USP32: variants seen among roughly 807,000 people sequenced by gnomAD.
The protein encoded by USP32 is ubiquitin specific peptidase 32, also known as ubiquitin carboxyl-terminal hydrolase 32.
Under a neutral mutation model 204.8 loss-of-function variants are expected in USP32, and 59 were observed. That is an observed-to-expected ratio of 0.29 (90% CI 0.23 to 0.36). USP32 has a LOEUF of 0.36. Among genes scored for constraint, USP32 ranks in the 10% least tolerant of loss-of-function variants. The pLI is 1.00. For missense variants in USP32, 1,160 were observed against 1,946.4 expected (o/e 0.60, Z 7.60); for synonymous variants, 517 against 678.4 (o/e 0.76, Z 3.70).
At chr17:60,229,641 A>G (rs888736521) in intron 12 of USP32, among the ~76,000 whole-genome samples, 1 of 152,212 alleles carries the variant, frequency 6.6e-6, no homozygotes, top group Non-Finnish European at 1.5e-5. Flanking sequence ...GAGAAAAATT[A>G]AAGTCTTCCA....
chr17:60,354,476 AT>A (rs2089023189), intron 1 of USP32, among the ~76,000 whole-genome samples: 1 of 152,246 alleles, frequency 6.6e-6, no homozygotes, highest in Admixed American at 6.5e-5. Context: ...TGGGCTAAGA[AT>A]TTACAAACCT....
At chr17:60,281,318 C>T (rs1044563860) in intron 5 of USP32, among the ~76,000 whole-genome samples, 1 of 152,126 alleles carries the variant, frequency 6.6e-6, no homozygotes, top group African/African-American at 2.4e-5. Flanking sequence ...GCGGATGGAT[C>T]ATGAGGTCAG....
intron 11 of USP32, among the ~76,000 whole-genome samples, chr17:60,251,697 A>T (rs1248193227): frequency 6.6e-6 from 1 of 152,178 alleles, no homozygotes; most frequent in Non-Finnish European, 1.5e-5. Flanking sequence ...TTGTTTTTTA[A>T]ATATAATCCG....
intron 6 of USP32, among the ~76,000 whole-genome samples, chr17:60,270,571 C>G (rs1460312482): frequency 6.6e-6 from 1 of 152,120 alleles, no homozygotes; most frequent in South Asian, 2.1e-4. Flanking sequence ...CGCCTGTAAT[C>G]CCAGCACTTT....
chr17:60,196,049 A>G (rs1449898214), intron 27 of USP32, among the ~76,000 whole-genome samples: 1 of 152,042 alleles, frequency 6.6e-6, no homozygotes, highest in Non-Finnish European at 1.5e-5. Context: ...AGGTGGGATC[A>G]TGAGGTTAGG....
chr17:60,318,818 A>G (rs73320707), intron 2 of USP32, among the ~76,000 whole-genome samples: 6,964 of 152,294 alleles, frequency 0.046, 573 homozygotes, highest in African/African-American at 0.16. Flanking sequence ...AAAAACGGTA[A>G]CCTTGTAAGA....
At chr17:60,401,180 G>A (rs974825752) in intron 1 of USP32, among the ~76,000 whole-genome samples, 1 of 150,936 alleles carries the variant, frequency 6.6e-6, no homozygotes, top group Non-Finnish European at 1.5e-5. Flanking sequence ...AAAAGACCGG[G>A]CGCAATGGCT....
At chr17:60,229,167 T>C (rs1288881006) in intron 12 of USP32, among the ~76,000 whole-genome samples, 1 of 152,068 alleles carries the variant, frequency 6.6e-6, no homozygotes, top group African/African-American at 2.4e-5. Context: ...TCCTTCCACC[T>C]CAGCTAGGAC....
chr17:60,350,762 C>T (rs2146024819), intron 1 of USP32, among the ~76,000 whole-genome samples: 1 of 152,188 alleles, frequency 6.6e-6, no homozygotes, highest in Middle Eastern at 3.4e-3. Flanking sequence ...CTCACAAGGA[C>T]AGAGGGATAA....
rs187759683 is a variant in USP32, at chr17:60,356,253, G to A, written c.59-10645C>T. ...AAGCAGTGGCAGATGGGGCTAACAAGAGGTTAACCAAAAAACATGAAAGGA... is the reference window on the plus strand; with the variant it reads ...AAGCAGTGGCAGATGGGGCTAACAAAAGGTTAACCAAAAAACATGAAAGGA... On this transcript the variant is annotated intron_variant, in intron 1 of 33. Coordinates refer to ENST00000300896, the MANE Select transcript of USP32 (RefSeq NM_032582.4). Among the ~76,000 whole-genome samples the A allele has an allele frequency of 6.6e-5, 10 of 152,246 alleles. No homozygotes were observed. The East Asian group carries it at 1.9e-3, about 29-fold the overall frequency.
At chr17:60,257,863 T>A (rs2086353344) in intron 9 of USP32, among the ~76,000 whole-genome samples, 1 of 152,074 alleles carries the variant, frequency 6.6e-6, no homozygotes, top group Admixed American at 6.5e-5. Flanking sequence ...AGTTTCTTAC[T>A]CTTTGGGGAA....
chr17:60,208,603 A>G, intron 23 of USP32, 51 bp downstream of exon 23: 2 of 1,456,418 alleles, frequency 1.4e-6, no homozygotes, highest in Non-Finnish European at 9.1e-7. Context: ...GGCTATTTAA[A>G]TAAAGTAAAT....
At chr17:60,180,773 C>T in intron 32 of USP32, 136 bp from the exon 33 acceptor site, 12 of 910,362 alleles carry the variant, frequency 1.3e-5, no homozygotes, top group Non-Finnish European at 1.8e-5. Context: ...AACCCTCTAA[C>T]TTTTTCTAAA....
chr17:60,237,098 A>T (rs1034317666), intron 11 of USP32, among the ~76,000 whole-genome samples: 8 of 147,306 alleles, frequency 5.4e-5, no homozygotes, highest in African/African-American at 1.3e-4. Context: ...TGGGATTATA[A>T]AAAAAAAAAT....
chr17:60,279,836 C>T (rs2086924969), intron 5 of USP32, among the ~76,000 whole-genome samples: 1 of 149,358 alleles, frequency 6.7e-6, no homozygotes, highest in South Asian at 2.1e-4. Flanking sequence ...GAGCCTGTCT[C>T]AAATAATAAT....
intron 27 of USP32, among the ~76,000 whole-genome samples, chr17:60,196,765 C>T (rs113788539): frequency 1.0e-3 from 153 of 151,888 alleles, no homozygotes; most frequent in African/African-American, 3.1e-3. Flanking sequence ...GTGGAGGTTG[C>T]GTTGAGCCGA....
chr17:60,191,371 C>G (rs552378869), intron 28 of USP32, among the ~76,000 whole-genome samples: 3 of 125,464 alleles, frequency 2.4e-5, no homozygotes, highest in Admixed American at 2.0e-4. Context: ...CACTGCACTG[C>G]AGCCTGGGTG....
chr17:60,224,385 A>G (rs2085331035), intron 13 of USP32, among the ~76,000 whole-genome samples: 1 of 152,242 alleles, frequency 6.6e-6, no homozygotes, highest in African/African-American at 2.4e-5. Context: ...TAATACCAGA[A>G]AGGGAGGGAA....
chr17:60,389,798 C>A (rs1172557538), intron 1 of USP32, among the ~76,000 whole-genome samples: 3 of 151,496 alleles, frequency 2.0e-5, no homozygotes, highest in Admixed American at 6.6e-5. Flanking sequence ...GGGCAGATCA[C>A]AAGGTCAGGA....
Sources: gnomAD v4.1 joint callset for allele counts (sites outside exome capture counted in the v4.1 genomes callset) on GRCh38, gnomAD v4.1.1 for gene constraint, MANE v1.5 for transcripts, NCBI Gene and HGNC (gene_info 2026-07-23, HGNC 2026-07-21) for gene names.